The following ATF6 variants were observed in gnomAD, a reference collection of about 807,000 sequenced individuals.
The protein encoded by ATF6 is cyclic AMP-dependent transcription factor ATF-6 alpha.
A neutral mutation model predicts 83.6 loss-of-function variants in ATF6; 53 were observed. That is an observed-to-expected ratio of 0.63 (90% CI 0.51 to 0.80). The LOEUF is 0.80. Among genes scored for constraint, ATF6 ranks in the 30% least tolerant of loss-of-function variants. The pLI, the probability that ATF6 is intolerant of heterozygous loss-of-function variation, is 0.00. For missense variants in ATF6, 744 were observed against 797.9 expected (o/e 0.93, Z 0.81); for synonymous variants, 288 against 285.8 (o/e 1.01, Z -0.08).
At chr1:161,801,569 C>T (rs180750248) in intron 6 of ATF6, among the ~76,000 whole-genome samples, 5 of 151,914 alleles carry the variant, frequency 3.3e-5, no homozygotes, top group Non-Finnish European at 7.4e-5. Context: ...CAGTGCATGG[C>T]CTGTAGCTCC....
intron 7 of ATF6, among the ~76,000 whole-genome samples, chr1:161,816,251 G>A (rs1685609632): frequency 6.6e-6 from 1 of 152,192 alleles, no homozygotes; most frequent in Non-Finnish European, 1.5e-5. Context: ...CCAGCTGTTC[G>A]CTTATTTCAG....
chr1:161,772,816 C>T (rs1684420593), intron 1 of ATF6, among the ~76,000 whole-genome samples: 1 of 151,448 alleles, frequency 6.6e-6, no homozygotes, highest in Non-Finnish European at 1.5e-5. Flanking sequence ...GATGTTACTT[C>T]ACCTCTTGCT....
intron 1 of ATF6, among the ~76,000 whole-genome samples, chr1:161,776,971 G>A (rs1684529743): frequency 6.6e-6 from 1 of 152,154 alleles, no homozygotes; most frequent in African/African-American, 2.4e-5. Context: ...CCACTGAGGT[G>A]GGAGGAAAAC....
chr1:161,887,604 T>C (rs1558011115), intron 14 of ATF6, among the ~76,000 whole-genome samples: 1 of 152,206 alleles, frequency 6.6e-6, no homozygotes, highest in African/African-American at 2.4e-5. Context: ...AAAATATGTA[T>C]TTCTAAGGAT....
intron 15 of ATF6, among the ~76,000 whole-genome samples, chr1:161,936,682 G>A (rs1220700404): frequency 6.6e-6 from 1 of 152,040 alleles, no homozygotes; most frequent in Non-Finnish European, 1.5e-5. Context: ...ATCAGCATGT[G>A]TTTAATATCC....
intron 14 of ATF6, among the ~76,000 whole-genome samples, chr1:161,903,453 C>T (rs1687827962): frequency 1.3e-5 from 2 of 152,122 alleles, no homozygotes; most frequent in South Asian, 4.2e-4. Context: ...TGCCTGTCAT[C>T]CTTTATTTCA....
chr1:161,963,407 T>C lies in ATF6; in HGVS notation c.*4753T>C, dbSNP rs938618666. 2.0e-5 allele frequency: 3 copies of C among 152,210 alleles called. No individual in the cohort carries two copies. Among genetic ancestry groups the C allele is most frequent in the South Asian group, 2.1e-4 (1 of 4,836 alleles). 9.4% of individuals were successfully genotyped at this position (152,210 alleles called of 1,614,324 possible). On this transcript the variant is annotated 3_prime_UTR_variant, in exon 16 of 16. Transcript: ENST00000367942. ...CATAGTGGGTGCCATTCTCAACATA[T>C]TGGTTTGCTAACTTTAAGCATTAGG... is the stretch of plus-strand genomic sequence containing the variant.
chr1:161,903,577 ACTCT>A (rs1266733543), intron 14 of ATF6, among the ~76,000 whole-genome samples: 6 of 151,734 alleles, frequency 4.0e-5, no homozygotes, highest in Non-Finnish European at 8.8e-5. Flanking sequence ...CAGGGACTTC[ACTCT>A]CCTCAAACTT....
chr1:161,799,544 C>T (rs767587906), intron 6 of ATF6, among the ~76,000 whole-genome samples: 10 of 152,102 alleles, frequency 6.6e-5, no homozygotes, highest in East Asian at 1.9e-4. Context: ...TGCAATTTAT[C>T]CATGTAACAA....
At chr1:161,846,396 A>G in intron 9 of ATF6, 53 bp from the exon 10 acceptor site, 1 of 1,556,016 alleles carries the variant, frequency 6.4e-7, no homozygotes, top group Admixed American at 1.8e-5. Context: ...TGTAGCAGGC[A>G]TATGTGTGAC....
chr1:161,912,272 C>T (rs1192481020), intron 14 of ATF6, 24 bp from the exon 15 acceptor site: 1 of 1,571,442 alleles, frequency 6.4e-7, no homozygotes, highest in African/African-American at 1.4e-5. Context: ...TTATATATAA[C>T]AGATTGTTCT....
intron 15 of ATF6, among the ~76,000 whole-genome samples, chr1:161,927,246 C>G (rs1688334912): frequency 6.6e-6 from 1 of 152,142 alleles, no homozygotes; most frequent in Admixed American, 6.5e-5. Context: ...GAGACCAGAT[C>G]TCAGACCTTT....
chr1:161,830,247 G>A (rs1168701957), intron 9 of ATF6, among the ~76,000 whole-genome samples: 1 of 152,174 alleles, frequency 6.6e-6, no homozygotes, highest in Non-Finnish European at 1.5e-5. Context: ...AAAGGGATGT[G>A]AAGGACCTCT....
chr1:161,863,101 G>C (rs1418060705), intron 13 of ATF6, 97 bp from the exon 14 acceptor site: 13 of 642,888 alleles, frequency 2.0e-5, no homozygotes, highest in Non-Finnish European at 3.4e-5. Flanking sequence ...GGTTGAGAGA[G>C]ATTCTTAGAA....
intron 9 of ATF6, among the ~76,000 whole-genome samples, chr1:161,830,181 G>A (rs1363910966): frequency 6.6e-6 from 1 of 152,160 alleles, no homozygotes; most frequent in African/African-American, 2.4e-5. Context: ...CAAATCATGA[G>A]TGAACTCCCA....
chr1:161,774,051 C>T (rs548466081), intron 1 of ATF6, among the ~76,000 whole-genome samples: 39 of 152,250 alleles, frequency 2.6e-4, no homozygotes, highest in Non-Finnish European at 5.1e-4. Context: ...AAGTGGGCTG[C>T]AGATAATATG....
intron 15 of ATF6, among the ~76,000 whole-genome samples, chr1:161,934,438 T>C (rs1688499779): frequency 6.6e-6 from 1 of 152,206 alleles, no homozygotes; most frequent in Admixed American, 6.5e-5. Context: ...TGTGCTGTTG[T>C]GCCTGAGACT....
chr1:161,777,344 C>T (rs929774405), intron 1 of ATF6, among the ~76,000 whole-genome samples: 1 of 152,174 alleles, frequency 6.6e-6, no homozygotes, highest in Non-Finnish European at 1.5e-5. Flanking sequence ...ACTACGTATA[C>T]ATTTTTTTGC....
At chr1:161,940,746 T>C (rs1688625937) in intron 15 of ATF6, among the ~76,000 whole-genome samples, 1 of 151,994 alleles carries the variant, frequency 6.6e-6, no homozygotes, top group East Asian at 1.9e-4. Context: ...TTTTTTTTAG[T>C]AGAGACAGGG....
Sources: allele counts gnomAD v4.1 joint callset (sites outside exome capture counted in the v4.1 genomes callset), GRCh38; gene constraint gnomAD v4.1.1; transcripts MANE v1.5; gene names NCBI Gene and HGNC (gene_info 2026-07-23, HGNC 2026-07-21).